The following ADGRL1 variants were observed in gnomAD, a reference collection of about 807,000 sequenced individuals.
ADGRL1 encodes the protein CIRL-1.
A neutral mutation model predicts 148.9 loss-of-function variants in ADGRL1; 31 were observed. The observed-to-expected ratio is 0.21, with a 90% confidence interval of 0.16 to 0.28. ADGRL1 has a LOEUF of 0.28. Among genes scored for constraint, ADGRL1 ranks in the 10% least tolerant of loss-of-function variants. ADGRL1 has a pLI of 1.00. For missense variants in ADGRL1, 1,521 were observed against 2,058.8 expected, an observed-to-expected ratio of 0.74 and a Z score of 5.05; for synonymous variants, 937 against 900.3, an observed-to-expected ratio of 1.04 and a Z score of -0.73.
intron 2 of ADGRL1, among the ~76,000 whole-genome samples, chr19:14,179,509 AATGCCAAGGAGAG>A (rs1342015468): frequency 1.3e-5 from 2 of 151,766 alleles, no homozygotes; most frequent in Non-Finnish European, 2.9e-5. Context: ...CAAACAAATA[AATGCCAAGGAGAG>A]AGGCCTCAGA....
intron 1 of ADGRL1, among the ~76,000 whole-genome samples, chr19:14,204,744 G>A (rs1417872658): frequency 1.3e-5 from 2 of 149,900 alleles, no homozygotes; most frequent in Non-Finnish European, 3.0e-5. Context: ...GAGAGAGACA[G>A]ACAGAGAGAG....
In ADGRL1 at chr19:14,162,614, G is replaced by C. The variant is rs1167848976; in HGVS notation, c.1187C>G (p.Pro396Arg). 1 of 1,605,216 alleles carries C rather than the reference G, an allele frequency of 6.2e-7. No homozygotes were observed. Among genetic ancestry groups the C allele is most frequent in the Admixed American group, 1.7e-5 (1 of 59,774 alleles). The change falls in exon 5 of 23, where the codon CCC becomes CGC. Residue 396 changes from proline to arginine, a missense_variant. Coordinates refer to ENST00000361434, the MANE Select transcript of ADGRL1 (RefSeq NM_014921.5). The surrounding 1 kb of genome is among the most constrained non-coding windows in gnomAD (Gnocchi z 5.4). ...RYSLEFGPPD[P>R]SAGPATSPPL... ...AAGTGAGTCGTCCTCACCAGCACTG[G>C]GGTCGGGCGGCCCGAACTCCAGGCT...
intron 22 of ADGRL1, 82 bp from the exon 23 acceptor site, chr19:14,151,697 G>T: frequency 7.4e-7 from 1 of 1,351,814 alleles, no homozygotes; most frequent in South Asian, 1.4e-5. Flanking sequence ...GGTCCATGTG[G>T]AGAAGTGGGC....
In ADGRL1 at chr19:14,181,922, C is replaced by T. The variant is rs1469420422; in HGVS notation, c.70+1611G>A. ...TGATCAGTATCATCTGGTGAACCTC[C>T]AAGGATTTCACTGTGACAAGGAAGG... On this transcript the variant is annotated intron_variant, in intron 2 of 22. Coordinates refer to ENST00000361434, the MANE Select transcript of ADGRL1 (RefSeq NM_014921.5). 2.0e-5 allele frequency among the ~76,000 whole-genome samples: 3 copies of T among 152,130 alleles called. No individual in the cohort carries two copies. In the South Asian group the frequency reaches 6.2e-4, roughly 31 times the overall value.
At chr19:14,201,307 T>TG (rs1432945481) in intron 1 of ADGRL1, among the ~76,000 whole-genome samples, 1 of 143,392 alleles carries the variant, frequency 7.0e-6, no homozygotes, top group Non-Finnish European at 1.5e-5. Flanking sequence ...TTTTTGTTTT[T>TG]TTTTTTTGGC....
intron 16 of ADGRL1, 70 bp downstream of exon 16, chr19:14,156,588 C>CCGTATCATTAAAAA (rs1968783872): frequency 9.7e-7 from 1 of 1,027,672 alleles, no homozygotes; most frequent in Non-Finnish European, 1.3e-6. Flanking sequence ...GGGGCGGGGG[C>CCGTATCATTAAAAA]AGGGGCTGGG....
chr19:14,186,439 G>T (rs1262484758), intron 1 of ADGRL1, among the ~76,000 whole-genome samples: 1 of 152,124 alleles, frequency 6.6e-6, no homozygotes, highest in Non-Finnish European at 1.5e-5. Flanking sequence ...AGATCCCAAA[G>T]CTGAGACTCT....
In ADGRL1 at chr19:14,171,701, TAGCCAGGGC is replaced by T. The variant is rs138652510; in HGVS notation, c.285-919_285-911del. Among the ~76,000 whole-genome samples the T allele has an allele frequency of 2.0e-5, 3 of 152,252 alleles. No individual in the cohort carries two copies. In the East Asian group the frequency reaches 5.8e-4, roughly 29 times the overall value. ...TGGGCAGTGCTGCTGTGCAGACTTATAGCCAGGGCAGCCAGGAGAGAGCATCCCCAGGGG... is the reference window on the plus strand; with the variant it reads ...TGGGCAGTGCTGCTGTGCAGACTTATAGCCAGGAGAGAGCATCCCCAGGGG... On this transcript the variant is annotated intron_variant, in intron 3 of 22. Coordinates refer to ENST00000361434, the MANE Select transcript of ADGRL1 (RefSeq NM_014921.5).
intron 1 of ADGRL1, among the ~76,000 whole-genome samples, chr19:14,187,530 C>A (rs998065553): frequency 1.3e-5 from 2 of 151,592 alleles, no homozygotes; most frequent in Non-Finnish European, 2.9e-5. Flanking sequence ...ACTCCCGATA[C>A]CAGCTCCCTC....
chr19:14,183,910 CAA>C (rs1250978953), intron 1 of ADGRL1, among the ~76,000 whole-genome samples: 1 of 152,182 alleles, frequency 6.6e-6, no homozygotes, highest in East Asian at 1.9e-4. Flanking sequence ...CACCTCTGGG[CAA>C]AGAGACTGCC....
In ADGRL1 at chr19:14,179,991, G is replaced by A. The variant is rs539418653; in HGVS notation, c.71-2247C>T. 6.2e-4 allele frequency among the ~76,000 whole-genome samples: 94 copies of A among 152,298 alleles called. No individual in the cohort carries two copies. In the Middle Eastern group the frequency reaches 0.01, roughly 17 times the overall value. On this transcript the variant is annotated intron_variant, in intron 2 of 22. Transcript: ENST00000361434. The stretch of plus-strand genomic sequence containing the variant: ...TGGGGCAGGAGCTTTGGGTCACATA[G>A]TCTCAGCTGACTTCTAGAGATGCTA...
At chr19:14,156,245 C>A in intron 16 of ADGRL1, 44 bp from the exon 17 acceptor site, 1 of 1,459,280 alleles carries the variant, frequency 6.9e-7, no homozygotes, top group Non-Finnish European at 9.6e-7. Flanking sequence ...AGTGGCCCTG[C>A]CTCCCTCAGT....
Position 14,152,131 on chromosome 19 carries a change from A to T in ADGRL1, c.3667+2T>A. On this transcript the variant is annotated splice_donor_variant, in intron 22 of 22. Coordinates refer to ENST00000361434, the MANE Select transcript of ADGRL1 (RefSeq NM_014921.5). LOFTEE classifies it high-confidence loss of function. The surrounding 1 kb of genome is among the most constrained non-coding windows in gnomAD (Gnocchi z 6.1). ...ACATCCCCAGGGAAGAGTCACACTT[A>T]CTGGGTTCCCGGTAGCTCCCTGCAG... 1 of 1,613,834 alleles carries T rather than the reference A, an allele frequency of 6.2e-7. No individual in the cohort carries two copies. Among genetic ancestry groups the T allele is most frequent in the African/African-American group, 1.3e-5 (1 of 75,020 alleles).
chr19:14,158,646 C>A, intron 11 of ADGRL1, 94 bp from the exon 12 acceptor site: 1 of 1,031,254 alleles, frequency 9.7e-7, no homozygotes, highest in Non-Finnish European at 1.4e-6. Context: ...AGCTCCTCAG[C>A]CCTTGGCCAC....
In ADGRL1 at chr19:14,163,273, G is replaced by A. The variant is rs1205770892; in HGVS notation, c.528C>T (p.Pro176=). ...GDRIYVMPWI[P]YRTDTLTEYA... ...ACTCAGTCAGTGTGTCCGTGCGGTA[G>A]GGGATCCAGGGCATCACGTAGATGC... The change falls in exon 5 of 23, where the codon CCC becomes CCT. Residue 176 remains proline, a synonymous_variant. Coordinates refer to ENST00000361434, the MANE Select transcript of ADGRL1 (RefSeq NM_014921.5). The A allele has an allele frequency of 1.1e-5, 17 of 1,613,650 alleles. No individual in the cohort carries two copies. The highest frequency in any genetic ancestry group is 1.4e-5 in the Non-Finnish European group (17 of 1,180,046).
intron 1 of ADGRL1, chr19:14,191,496 C>T (rs2145104491): frequency 2.2e-6 from 1 of 456,056 alleles, no homozygotes; most frequent in Middle Eastern, 3.3e-4. Flanking sequence ...TTAGCTCGGG[C>T]TGCCATAACA....
chr19:14,155,299 T>C lies in ADGRL1; in HGVS notation c.3294+60A>G, dbSNP rs1461594045. 1.3e-6 allele frequency: 2 copies of C among 1,589,180 alleles called. No individual in the cohort carries two copies. The highest frequency in any genetic ancestry group is 2.7e-5 in the African/African-American group (2 of 74,164). ...CCCCTCCACCCTCGCCGCCTTCTCC[T>C]GGGTACCCAGGAAACGTCTCCAAGG... On this transcript the variant is annotated intron_variant, in intron 18 of 22. Coordinates refer to ENST00000361434, the MANE Select transcript of ADGRL1 (RefSeq NM_014921.5). This position sits in a 1 kb window ranked among gnomAD's most constrained non-coding sequence, Gnocchi z 5.0.
chr19:14,166,562 C>CAGAGAGAGAGAGAGAGAG (rs370519604), intron 4 of ADGRL1, among the ~76,000 whole-genome samples: 1 of 148,076 alleles, frequency 6.8e-6, no homozygotes, highest in Non-Finnish European at 1.5e-5. Context: ...AGGGGAGAGA[C>CAGAGAGAGAGAGAGAGAG]AGAGAGAGAG....
At chr19:14,192,906 G>C (rs1159958661) in intron 1 of ADGRL1, among the ~76,000 whole-genome samples, 1 of 152,116 alleles carries the variant, frequency 6.6e-6, no homozygotes, top group African/African-American at 2.4e-5. Context: ...CTGGAACTTG[G>C]TTTCCCCGAC....
Sources: gnomAD v4.1 joint callset for allele counts (sites outside exome capture counted in the v4.1 genomes callset) on GRCh38, gnomAD v4.1.1 for gene constraint, Gnocchi (gnomAD v3.1) non-coding constraint, MANE v1.5 for transcripts, NCBI Gene and HGNC (gene_info 2026-07-23, HGNC 2026-07-21) for gene names.